DNAH12: variants seen among roughly 807,000 people sequenced by gnomAD.
DNAH12 encodes the protein dynein axonemal heavy chain 12, also known as axonemal beta dynein heavy chain 12.
Under a neutral mutation model 371.5 loss-of-function variants are expected in DNAH12, and 285 were observed. The observed-to-expected ratio is 0.77, with a 90% CI of 0.70 to 0.85. The LOEUF (loss-of-function observed/expected upper bound fraction) is 0.85. Ranked by LOEUF, DNAH12 falls within the 40% of genes least tolerant of loss-of-function variation. DNAH12 has a pLI of 0.00. For synonymous variants in DNAH12, 1,200 were observed against 1,213.0 expected, an observed-to-expected ratio of 0.99 and a Z score of 0.22; for missense variants, 3,611 against 3,689.4, an observed-to-expected ratio of 0.98 and a Z score of 0.55.
intron 25 of DNAH12, among the ~76,000 whole-genome samples, chr3:57,448,411 CCTGA>C (rs1441945847): frequency 2.0e-5 from 3 of 151,650 alleles, no homozygotes; most frequent in Admixed American, 2.0e-4. Flanking sequence ...AGACCTTCGC[CCTGA>C]GTGTTAAAGC....
At position 57,368,105 on chromosome 3, in the gene DNAH12, A is replaced by C. The variant is rs2063090815; in HGVS notation, c.8915T>G (p.Val2972Gly). The C allele has an allele frequency of 2.0e-5, 3 of 152,214 alleles. No individual in the cohort carries two copies. The highest frequency in any genetic ancestry group is 4.4e-5 in the Non-Finnish European group (3 of 68,044). The allele number at this position is 152,214 out of a possible 1,614,324, so 9.4% of individuals were successfully genotyped here. The change falls in exon 56 of 74, where the codon GTT becomes GGT. Residue 2972 changes from valine (V) to glycine (G), a missense_variant. Val to Gly is a moderately radical substitution (Grantham distance 109). Around this residue, in one of 3 missense-constraint regions of DNAH12, gnomAD observed 2,266 missense variants for 2,236.9 expected, o/e 1.01. Transcript: ENST00000495027. ...QFGTPLLLENVGEELDPSLEP... is the reference protein window; with the variant it reads ...QFGTPLLLENGGEELDPSLEP... ...CAAAGATGGATCCAGTTCTTCACCA[A>C]CATTTTCTAATAGAAGTGGAGTTCC...
At chr3:57,338,637 C>G (rs1419425432) in intron 60 of DNAH12, among the ~76,000 whole-genome samples, 4 of 146,448 alleles carry the variant, frequency 2.7e-5, no homozygotes, top group African/African-American at 1.0e-4. Context: ...GCCGCCCCGT[C>G]TAGAAAGTGA....
Position 57,296,419 on chromosome 3 carries a change from G to A in DNAH12, c.11549C>T (p.Thr3850Ile), listed in dbSNP as rs2061234361. ...ACCATCTTCTGGTGATGTGTCAGAT[G>A]TATCAGATGGGATAACCTGAAGGGA... ...GYEFEVIPSD[T>I]SDTSPEDGVY... Residue 3850 changes from threonine (T) to isoleucine (I), a missense_variant, in exon 72 of 74, where the codon ACA (threonine) becomes ATA (isoleucine). By Grantham distance (89) the Thr-to-Ile change is moderately conservative (BLOSUM62 -1). Around this residue, in one of 3 missense-constraint regions of DNAH12, gnomAD observed 2,266 missense variants for 2,236.9 expected, o/e 1.01. Coordinates refer to ENST00000495027, the MANE Select transcript of DNAH12 (RefSeq NM_001366028.2). The A allele has an allele frequency of 3.2e-6, 5 of 1,550,626 alleles. No individual in the cohort carries two copies. The African/African-American group carries it at 5.5e-5, about 17-fold the overall frequency.
At chr3:57,538,450 C>T (rs999771240) in intron 2 of DNAH12, among the ~76,000 whole-genome samples, 3 of 152,168 alleles carry the variant, frequency 2.0e-5, no homozygotes, top group African/African-American at 2.4e-5. Flanking sequence ...ATTCATTCAT[C>T]CCTTCATTCA....
intron 4 of DNAH12, among the ~76,000 whole-genome samples, chr3:57,512,806 C>T (rs2068045706): frequency 6.6e-6 from 1 of 152,146 alleles, no homozygotes. Context: ...AGTCATGGAA[C>T]CAACCCAAAT....
chr3:57,336,379 G>A lies in DNAH12; in HGVS notation c.9675-1439C>T, dbSNP rs547497754. 1.1e-3 allele frequency among the ~76,000 whole-genome samples: 165 copies of A among 151,926 alleles called. 1 individual carries two copies. Among genetic ancestry groups the A allele is most frequent in the African/African-American group, 3.9e-3 (162 of 41,362 alleles). Reference sequence around the variant, plus strand: ...TCATAAACATGCTGAAGGAGTTAAAGCAAAGTATGAACATAATAGAAGAAA... The same window carrying A: ...TCATAAACATGCTGAAGGAGTTAAAACAAAGTATGAACATAATAGAAGAAA... On this transcript the variant is annotated intron_variant, in intron 60 of 73. Coordinates refer to ENST00000495027, the MANE Select transcript of DNAH12 (RefSeq NM_001366028.2).
At chr3:57,368,779 G>A (rs1575511071) in intron 55 of DNAH12, among the ~76,000 whole-genome samples, 1 of 152,148 alleles carries the variant, frequency 6.6e-6, no homozygotes, top group East Asian at 1.9e-4. Context: ...AGTTAGTAAA[G>A]ACTGTGTTCA....
intron 29 of DNAH12, among the ~76,000 whole-genome samples, chr3:57,438,918 C>CGAAAAAAAAAAAAAA (rs562343761): frequency 0.014 from 1,301 of 94,390 alleles, 179 homozygotes; most frequent in Middle Eastern, 0.022. Flanking sequence ...CTGTCTCAGA[C>CGAAAAAAAAAAAAAA]AAAAAAAAAA....
intron 43 of DNAH12, among the ~76,000 whole-genome samples, chr3:57,396,290 C>CAAAAAAAAAAAAAAAAAAAAAA (rs1159748997): frequency 4.4e-5 from 3 of 68,624 alleles, no homozygotes; most frequent in Non-Finnish European, 2.7e-5. Context: ...AAAAAAAAAA[C>CAAAAAAAAAAAAAAAAAAAAAA]AAAAAAAAAA....
At chr3:57,459,822 T>C (rs2153376676) in intron 19 of DNAH12, 36 bp from the exon 20 acceptor site, 1 of 1,304,150 alleles carries the variant, frequency 7.7e-7, no homozygotes, top group East Asian at 2.9e-5. Flanking sequence ...ATTCTAGTTA[T>C]TAAAGAAAGG....
chr3:57,443,255 G>A (rs1462404751), intron 29 of DNAH12, among the ~76,000 whole-genome samples: 3 of 152,020 alleles, frequency 2.0e-5, no homozygotes, highest in Non-Finnish European at 2.9e-5. Flanking sequence ...GACTACAGGC[G>A]TGCACCACCA....
chr3:57,414,152 T>G (rs1293327602), intron 38 of DNAH12, among the ~76,000 whole-genome samples: 1 of 100,612 alleles, frequency 9.9e-6, no homozygotes, highest in Admixed American at 9.8e-5. Context: ...AGCAGCATTA[T>G]GTGTGTGTTT....
At chr3:57,363,512 G>A (rs1323669853) in intron 58 of DNAH12, 82 bp downstream of exon 58, 2 of 151,664 alleles carry the variant, frequency 1.3e-5, no homozygotes, top group Admixed American at 6.6e-5. Context: ...CCTTCCTTGG[G>A]GACTGGAAAC....
intron 11 of DNAH12, among the ~76,000 whole-genome samples, chr3:57,495,687 C>T (rs2067288943): frequency 7.0e-6 from 1 of 143,008 alleles, no homozygotes; most frequent in African/African-American, 2.6e-5. Context: ...AGTTGTTATA[C>T]CATTTACAGT....
intron 45 of DNAH12, among the ~76,000 whole-genome samples, chr3:57,388,562 TC>T (rs2063542870): frequency 4.1e-3 from 1 of 244 alleles, no homozygotes; most frequent in South Asian, 0.12. Context: ...ATATTTTAAA[TC>T]TAAAAAAGAG....
In DNAH12 at chr3:57,495,988, A is replaced by T. The variant is rs183616238; in HGVS notation, c.1335+5333T>A. 4.2e-3 allele frequency among the ~76,000 whole-genome samples: 616 copies of T among 146,630 alleles called. 30 individuals carry two copies. The South Asian group carries it at 0.088, about 21-fold the overall frequency. On this transcript the variant is annotated intron_variant, in intron 11 of 73. Coordinates refer to ENST00000495027, the MANE Select transcript of DNAH12 (RefSeq NM_001366028.2). Reference sequence around the variant, plus strand: ...TATATTTTAATCCCTGATTTTATATATATTATATATATATAAGATCAGGGA... The same window carrying T: ...TATATTTTAATCCCTGATTTTATATTTATTATATATATATAAGATCAGGGA...
At chr3:57,411,301 G>A (rs967470543) in intron 39 of DNAH12, among the ~76,000 whole-genome samples, 1 of 152,004 alleles carries the variant, frequency 6.6e-6, no homozygotes, top group Non-Finnish European at 1.5e-5. Context: ...GCCGAGGAAG[G>A]TGGATCACTT....
chr3:57,499,271 C>T (rs1275600027), intron 11 of DNAH12, among the ~76,000 whole-genome samples: 1 of 151,966 alleles, frequency 6.6e-6, no homozygotes, highest in Admixed American at 6.6e-5. Flanking sequence ...GAGAAATGTT[C>T]TACATCTTAA....
At chr3:57,473,168 C>A (rs1043513133) in intron 13 of DNAH12, among the ~76,000 whole-genome samples, 1 of 151,918 alleles carries the variant, frequency 6.6e-6, no homozygotes, top group East Asian at 1.9e-4. Flanking sequence ...TAGAATATTG[C>A]GGTATGTAAT....
Sources: allele counts gnomAD v4.1 joint callset (sites outside exome capture counted in the v4.1 genomes callset), GRCh38; gene constraint gnomAD v4.1.1; regional missense constraint gnomAD v4.1.1; transcripts MANE v1.5; gene names NCBI Gene and HGNC (gene_info 2026-07-23, HGNC 2026-07-21).